Variants in ZNF581 observed in about 807,000 individuals in gnomAD.
ZNF581 encodes the protein zinc finger protein 581.
In ZNF581, 1 loss-of-function variant was observed where a neutral mutation model predicts 1.2. The observed-to-expected ratio is 0.83, with a 90% CI of 0.30 to 3.95. The LOEUF is 3.95. ZNF581 is among the 30% of genes most tolerant of loss of function. ZNF581 has a pLI of 0.18. For synonymous variants in ZNF581, 105 were observed against 109.2 expected (o/e 0.96, Z 0.24); for missense variants, 273 against 274.6 (o/e 0.99, Z 0.04).
chr19:55,640,044 AGT>A (rs1188293399), upstream of ZNF581: 2 of 787,418 alleles, frequency 2.5e-6, no homozygotes, highest in African/African-American at 3.7e-5. Context: ...TCTGATGGAC[AGT>A]GCTCTAGGAT....
intron 1 of ZNF581, among the ~76,000 whole-genome samples, chr19:55,636,013 G>C (rs991108803): frequency 6.6e-6 from 1 of 152,182 alleles, no homozygotes; most frequent in African/African-American, 2.4e-5. Flanking sequence ...GTGAGATGCC[G>C]TGTGTGCTTG....
upstream of ZNF581, chr19:55,640,599 AG>A: frequency 1.0e-6 from 1 of 985,444 alleles, no homozygotes; most frequent in Non-Finnish European, 1.2e-6. Flanking sequence ...TGCTGGGTGG[AG>A]AATCACGGCC....
At chr19:55,642,026 G>C, upstream of ZNF581, 1 of 984,530 alleles carries the variant, frequency 1.0e-6, no homozygotes, top group Non-Finnish European at 1.2e-6. Context: ...CCGGTGGGGG[G>C]GTAGGGGGCG....
At chr19:55,643,066 G>C, upstream of ZNF581, 6 of 1,340,186 alleles carry the variant, frequency 4.5e-6, no homozygotes, top group Non-Finnish European at 5.8e-6. Flanking sequence ...CCGTCTCAGG[G>C]CCACCAAGTC....
At chr19:55,643,406 T>G, upstream of ZNF581, 1 of 233,604 alleles carries the variant, frequency 4.3e-6, no homozygotes, top group Non-Finnish European at 9.0e-6. Flanking sequence ...TCTGGTTCAT[T>G]TCTGTATCTA....
At chr19:55,641,753 G>GT (rs1229919664), upstream of ZNF581, 1 of 151,978 alleles carries the variant, frequency 6.6e-6, no homozygotes, top group Non-Finnish European at 1.5e-5. Context: ...GGGGGGCGGG[G>GT]TATACAGAAG....
upstream of ZNF581, among the ~76,000 whole-genome samples, chr19:55,639,594 C>T (rs916396558): frequency 3.3e-4 from 50 of 152,154 alleles, no homozygotes; most frequent in African/African-American, 1.2e-3. Flanking sequence ...AGGTAGGAGC[C>T]ATATGTGGCT....
upstream of ZNF581, chr19:55,642,736 G>T: frequency 1.3e-6 from 2 of 1,516,140 alleles, no homozygotes; most frequent in Non-Finnish European, 1.8e-6. Context: ...CCCGGGGCCC[G>T]CCCCAGCGCG....
chr19:55,635,693 G>A, exon 1 of ZNF581: 4 of 988,180 alleles, frequency 4.0e-6, no homozygotes, highest in Non-Finnish European at 4.8e-6. Context: ...AGAATGATTC[G>A]CTGCAGCTGT....
At chr19:55,641,196 G>A, upstream of ZNF581, 1 of 985,168 alleles carries the variant, frequency 1.0e-6, no homozygotes, top group Non-Finnish European at 1.2e-6. Context: ...ACGGGGGCCG[G>A]GATGGAGGGA....
chr19:55,642,305 G>C (rs1230765216), upstream of ZNF581: 16 of 1,257,000 alleles, frequency 1.3e-5, no homozygotes, highest in African/African-American at 1.7e-4. Flanking sequence ...AGCTCAGTTG[G>C]AGGCCCTCTC....
At position 55,644,538 on chromosome 19, in the gene ZNF581, T is replaced by G. The variant is rs189534136; in HGVS notation, c.-19-15T>G. 8.3e-5 allele frequency: 124 copies of G among 1,490,858 alleles called. No individual in the cohort carries two copies. The East Asian group carries it at 2.7e-3, about 32-fold the overall frequency. The allele number at this position is 1,490,858 out of a possible 1,614,324, so 92.4% of individuals were successfully genotyped here. On this transcript the variant is annotated splice_polypyrimidine_tract_variant and intron_variant, in intron 1 of 1. Transcript: ENST00000270451. The surrounding 1 kb of genome is among the most constrained non-coding windows in gnomAD (Gnocchi z 4.3). ...TCTTCTATATAACCTTCTTATCCCATCTCCCATCCACCAGGCCTCAGCCAG... is the reference window on the plus strand; with the variant it reads ...TCTTCTATATAACCTTCTTATCCCAGCTCCCATCCACCAGGCCTCAGCCAG...
upstream of ZNF581, among the ~76,000 whole-genome samples, chr19:55,641,463 A>G (rs1013931464): frequency 6.6e-6 from 1 of 152,134 alleles, no homozygotes; most frequent in African/African-American, 2.4e-5. Context: ...AGAGCAAAAG[A>G]ACGGGCGGGG....
chr19:55,642,996 C>T, upstream of ZNF581: 1 of 1,369,276 alleles, frequency 7.3e-7, no homozygotes, highest in Non-Finnish European at 9.4e-7. Context: ...CAGGACGCCG[C>T]GGAGCTGGCG....
In ZNF581 at chr19:55,645,271, CAGA is replaced by C; in HGVS notation, c.*107_*109del. ...AGGCTGGTGTTCAGGGCCCTGGACA[CAGA>C]CACAGAGCAGCCGCATCTCAAAGGC... On this transcript the variant is annotated 3_prime_UTR_variant, in exon 2 of 2. Transcript: ENST00000270451. 2.0e-6 allele frequency: 2 copies of C among 1,014,234 alleles called. No homozygotes were observed. Among genetic ancestry groups the C allele is most frequent in the East Asian group, 2.7e-5 (1 of 36,944 alleles). The allele number at this position is 1,014,234 out of a possible 1,614,324, so 62.8% of individuals were successfully genotyped here.
At chr19:55,639,862 C>A (rs950937701), upstream of ZNF581, among the ~76,000 whole-genome samples, 2 of 152,192 alleles carry the variant, frequency 1.3e-5, no homozygotes, top group Non-Finnish European at 2.9e-5. Flanking sequence ...GGTGATCCGC[C>A]CGCCTTGGCC....
chr19:55,636,672 G>A (rs190624427), upstream of ZNF581, among the ~76,000 whole-genome samples: 79 of 152,204 alleles, frequency 5.2e-4, no homozygotes, highest in South Asian at 1.0e-3. Context: ...GTAGATCAAC[G>A]AGGCCATATC....
upstream of ZNF581, among the ~76,000 whole-genome samples, chr19:55,637,333 C>T (rs1197401130): frequency 2.6e-5 from 4 of 152,006 alleles, no homozygotes; most frequent in Admixed American, 6.6e-5. Flanking sequence ...GCCAGGAGTT[C>T]GAGACCAGTC....
At chr19:55,643,490 G>T (rs80047210), upstream of ZNF581, 1,703 of 166,044 alleles carry the variant, frequency 0.01, 37 homozygotes, top group African/African-American at 0.04. Context: ...TCTTCCTTGC[G>T]TGTGCGTGCA....
Sources: gnomAD v4.1 joint callset for allele counts (sites outside exome capture counted in the v4.1 genomes callset) on GRCh38, gnomAD v4.1.1 for gene constraint, Gnocchi (gnomAD v3.1) non-coding constraint, MANE v1.5 for transcripts, NCBI Gene and HGNC (gene_info 2026-07-23, HGNC 2026-07-21) for gene names.